Variants in KCNN3 observed in about 807,000 individuals in gnomAD.
The protein encoded by KCNN3 is potassium calcium-activated channel subfamily N member 3.
Under a neutral mutation model 62.9 loss-of-function variants are expected in KCNN3, and 16 were observed. The ratio of observed to expected loss-of-function variants is 0.25; its 90% CI spans 0.17 to 0.39. The LOEUF is 0.39. Among genes scored for constraint, KCNN3 ranks in the 10% least tolerant of loss-of-function variants. KCNN3 has a pLI of 1.00. For synonymous variants in KCNN3, 370 were observed against 389.2 expected (o/e 0.95, Z 0.58); for missense variants, 599 against 949.4 (o/e 0.63, Z 4.85).
chr1:154,819,537 T>G (rs1471104352), intron 2 of KCNN3, among the ~76,000 whole-genome samples: 1 of 152,090 alleles, frequency 6.6e-6, no homozygotes, highest in Admixed American at 6.6e-5. Flanking sequence ...ACAAGGGCGC[T>G]CCGTAGGAAC....
At chr1:154,717,026 T>G (rs371852352) in intron 5 of KCNN3, among the ~76,000 whole-genome samples, 4 of 152,350 alleles carry the variant, frequency 2.6e-5, no homozygotes, top group African/African-American at 9.6e-5. Context: ...CTCTGTCAAT[T>G]ATTAAGCAGT....
intron 2 of KCNN3, among the ~76,000 whole-genome samples, chr1:154,798,964 T>C (rs1184286868): frequency 1.3e-5 from 2 of 150,158 alleles, no homozygotes; most frequent in Non-Finnish European, 2.9e-5. Flanking sequence ...TCACCCAGGC[T>C]GGAGTGCAGT....
chr1:154,787,721 G>A (rs1411623891), intron 2 of KCNN3, among the ~76,000 whole-genome samples: 1 of 152,082 alleles, frequency 6.6e-6, no homozygotes, highest in Non-Finnish European at 1.5e-5. Context: ...ACCACACCCC[G>A]TGGAGTCAGA....
At chr1:154,768,176 G>C (rs928510756) in intron 3 of KCNN3, among the ~76,000 whole-genome samples, 1 of 152,182 alleles carries the variant, frequency 6.6e-6, no homozygotes, top group Non-Finnish European at 1.5e-5. Flanking sequence ...AGAGATCAAG[G>C]CATCCTGTCC....
At chr1:154,860,959 T>A (rs1386315602) in intron 1 of KCNN3, among the ~76,000 whole-genome samples, 2 of 147,752 alleles carry the variant, frequency 1.4e-5, no homozygotes, top group Admixed American at 1.3e-4. Flanking sequence ...AAGTTTTTTT[T>A]TTTTTTTTTT....
chr1:154,748,050 T>C lies in KCNN3; in HGVS notation c.1449-14906A>G, dbSNP rs185552473. Among the ~76,000 whole-genome samples, 209 of 152,154 alleles carry C rather than the reference T, an allele frequency of 1.4e-3. 2 individuals are homozygous for C. The highest frequency in any genetic ancestry group is 3.9e-3 in the African/African-American group (164 of 41,528). On this transcript the variant is annotated intron_variant, in intron 3 of 7. Transcript: ENST00000271915. Reference sequence around the variant, plus strand: ...TCTCCACCCCCAGCACCAGCCTCCATTGGTTGGTTGGTTTGTCGGTCGGCA... The same window carrying C: ...TCTCCACCCCCAGCACCAGCCTCCACTGGTTGGTTGGTTTGTCGGTCGGCA...
At chr1:154,834,516 G>A (rs904109057) in intron 1 of KCNN3, among the ~76,000 whole-genome samples, 4 of 152,186 alleles carry the variant, frequency 2.6e-5, no homozygotes, top group Non-Finnish European at 4.4e-5. Flanking sequence ...CCCATCTCAA[G>A]GCGGGAGCTC....
At chr1:154,762,130 A>C (rs1369586803) in intron 3 of KCNN3, among the ~76,000 whole-genome samples, 1 of 152,212 alleles carries the variant, frequency 6.6e-6, no homozygotes, top group Non-Finnish European at 1.5e-5. Flanking sequence ...CATGCAGAAG[A>C]GGTTTGATGT....
At chr1:154,765,786 G>GT (rs1303480950) in intron 3 of KCNN3, among the ~76,000 whole-genome samples, 73 of 142,112 alleles carry the variant, frequency 5.1e-4, no homozygotes, top group South Asian at 3.7e-3. Flanking sequence ...CCCGGCTAAT[G>GT]TTTTTTTTGG....
In KCNN3 at chr1:154,703,733, T is replaced by C. The variant is rs559131959; in HGVS notation, c.*4243A>G. ...CTAATCCCATATTTCTCCCTGCTGATTTTACCACTATTTAATGTGCACTAA... is the reference window on the plus strand; with the variant it reads ...CTAATCCCATATTTCTCCCTGCTGACTTTACCACTATTTAATGTGCACTAA... On this transcript the variant is annotated 3_prime_UTR_variant, in exon 8 of 8. Coordinates refer to ENST00000271915, the MANE Select transcript of KCNN3 (RefSeq NM_002249.6). 3.3e-5 allele frequency: 5 copies of C among 152,292 alleles called. No homozygotes were observed. In the East Asian group the frequency reaches 9.6e-4, roughly 29 times the overall value. 9.4% of individuals were successfully genotyped at this position (152,292 alleles called of 1,614,324 possible).
chr1:154,840,423 G>A (rs373801090), intron 1 of KCNN3, among the ~76,000 whole-genome samples: 2 of 152,274 alleles, frequency 1.3e-5, no homozygotes, highest in South Asian at 2.1e-4. Context: ...CAGGGAGCTG[G>A]GAAAGAAAGA....
intron 7 of KCNN3, among the ~76,000 whole-genome samples, chr1:154,713,176 A>G (rs1487359582): frequency 6.6e-6 from 1 of 152,208 alleles, no homozygotes; most frequent in Non-Finnish European, 1.5e-5. Context: ...TGTGCAGCTC[A>G]TAAAATGACA....
At chr1:154,860,237 A>G (rs1652710518) in intron 1 of KCNN3, among the ~76,000 whole-genome samples, 1 of 152,228 alleles carries the variant, frequency 6.6e-6, no homozygotes, top group South Asian at 2.1e-4. Flanking sequence ...TTGACGACGC[A>G]TCAGGCAAGC....
At chr1:154,767,330 T>C (rs1374602783) in intron 3 of KCNN3, among the ~76,000 whole-genome samples, 1 of 152,176 alleles carries the variant, frequency 6.6e-6, no homozygotes, top group East Asian at 1.9e-4. Flanking sequence ...CCTGGGACAC[T>C]GAGACAGCCT....
intron 3 of KCNN3, among the ~76,000 whole-genome samples, chr1:154,760,864 G>T (rs1258217736): frequency 1.3e-5 from 2 of 152,252 alleles, no homozygotes; most frequent in Non-Finnish European, 2.9e-5. Flanking sequence ...CCGCGAAGAA[G>T]CACTCCGGCC....
chr1:154,819,600 G>A (rs908745460), intron 2 of KCNN3, among the ~76,000 whole-genome samples: 4 of 152,194 alleles, frequency 2.6e-5, no homozygotes, highest in Non-Finnish European at 5.9e-5. Flanking sequence ...CCTCTGGCAA[G>A]AGAAGGTCTA....
rs1435562290 is a variant in KCNN3, at chr1:154,703,422, G to A, written c.*4554C>T. The A allele has an allele frequency of 6.6e-6, 1 of 152,166 alleles. No individual in the cohort carries two copies. Among genetic ancestry groups the A allele is most frequent in the African/African-American group, 2.4e-5 (1 of 41,428 alleles). 9.4% of individuals were successfully genotyped at this position (152,166 alleles called of 1,614,324 possible). ...TCACCAGATAGCTGTCTAAGGTACT[G>A]AAATCAAACCCTGCAGAGTCAATAG... On this transcript the variant is annotated 3_prime_UTR_variant, in exon 8 of 8. Coordinates refer to ENST00000271915, the MANE Select transcript of KCNN3 (RefSeq NM_002249.6).
chr1:154,834,580 T>C (rs962613645), intron 1 of KCNN3, among the ~76,000 whole-genome samples: 1 of 152,196 alleles, frequency 6.6e-6, no homozygotes, highest in South Asian at 2.1e-4. Flanking sequence ...AGGATCTCCA[T>C]GGTTCCCCTA....
At chr1:154,819,319 G>A (rs1173306300) in intron 2 of KCNN3, among the ~76,000 whole-genome samples, 1 of 152,158 alleles carries the variant, frequency 6.6e-6, no homozygotes, top group Non-Finnish European at 1.5e-5. Flanking sequence ...GTCAAGGTAC[G>A]ACCAGCTTTG....
Sources: gnomAD v4.1 joint callset for allele counts (sites outside exome capture counted in the v4.1 genomes callset) on GRCh38, gnomAD v4.1.1 for gene constraint, MANE v1.5 for transcripts, NCBI Gene and HGNC (gene_info 2026-07-23, HGNC 2026-07-21) for gene names.